Variants in CAMKMT observed in about 807,000 individuals in gnomAD.
CAMKMT encodes calmodulin-lysine N-methyltransferase.
A neutral mutation model predicts 48.0 loss-of-function variants in CAMKMT; 53 were observed. The ratio of observed to expected loss-of-function variants is 1.10; its 90% CI spans 0.89 to 1.39. The LOEUF is 1.39. Ranked by LOEUF, CAMKMT falls within the 40% of genes most tolerant of loss-of-function variation. CAMKMT has a pLI of 0.00. For synonymous variants in CAMKMT, 165 were observed against 152.3 expected, an observed-to-expected ratio of 1.08 and a Z score of -0.61; for missense variants, 428 against 402.7, an observed-to-expected ratio of 1.06 and a Z score of -0.54.
intron 7 of CAMKMT, among the ~76,000 whole-genome samples, chr2:44,717,455 T>C (rs996096413): frequency 6.6e-6 from 1 of 152,174 alleles, no homozygotes; most frequent in African/African-American, 2.4e-5. Context: ...TAATAATCAG[T>C]ATTCTCCCTC....
At chr2:44,484,570 A>C (rs1186873487) in intron 3 of CAMKMT, among the ~76,000 whole-genome samples, 2 of 152,048 alleles carry the variant, frequency 1.3e-5, no homozygotes, top group African/African-American at 4.8e-5. Context: ...ACAAATATCA[A>C]TTTCAGATTT....
intron 2 of CAMKMT, among the ~76,000 whole-genome samples, chr2:44,373,850 G>C (rs1572662345): frequency 6.6e-6 from 1 of 152,116 alleles, no homozygotes; most frequent in East Asian, 1.9e-4. Context: ...CCGGCTGGGC[G>C]CAGTGGCTCA....
At chr2:44,770,212 A>G (rs535657873) in intron 10 of CAMKMT, among the ~76,000 whole-genome samples, 44 of 152,346 alleles carry the variant, frequency 2.9e-4, no homozygotes, top group African/African-American at 9.1e-4. Context: ...TGTGTGTTCA[A>G]GTACCCTCAC....
chr2:44,606,384 C>G (rs1671283748), intron 3 of CAMKMT, among the ~76,000 whole-genome samples: 1 of 152,144 alleles, frequency 6.6e-6, no homozygotes, highest in Non-Finnish European at 1.5e-5. Context: ...GTCAATCTAA[C>G]ATTTAGAGAG....
At chr2:44,420,576 TA>T (rs1558598896) in intron 3 of CAMKMT, among the ~76,000 whole-genome samples, 3 of 151,532 alleles carry the variant, frequency 2.0e-5, no homozygotes, top group Non-Finnish European at 1.5e-5. Context: ...TATATATATA[TA>T]TATTTTTTTC....
At chr2:44,765,780 A>C (rs550382893) in intron 9 of CAMKMT, among the ~76,000 whole-genome samples, 1 of 152,220 alleles carries the variant, frequency 6.6e-6, no homozygotes, top group African/African-American at 2.4e-5. Flanking sequence ...AAAAGCAATC[A>C]TGTGAATACT....
At chr2:44,643,906 G>A (rs1673585077) in intron 3 of CAMKMT, among the ~76,000 whole-genome samples, 2 of 152,134 alleles carry the variant, frequency 1.3e-5, no homozygotes, top group African/African-American at 2.4e-5. Flanking sequence ...ACTAATTAGA[G>A]TTAGCGACAA....
chr2:44,591,655 C>T (rs1176750508), intron 3 of CAMKMT, among the ~76,000 whole-genome samples: 14 of 151,738 alleles, frequency 9.2e-5, no homozygotes, highest in Admixed American at 3.9e-4. Context: ...GTCAGTGTGG[C>T]GATTCCTCAG....
chr2:44,426,484 G>T (rs1684284273), intron 3 of CAMKMT, among the ~76,000 whole-genome samples: 1 of 152,174 alleles, frequency 6.6e-6, no homozygotes, highest in South Asian at 2.1e-4. Flanking sequence ...AATGACTTCA[G>T]TAAGGTCTCA....
chr2:44,741,782 T>A (rs1679689944), intron 7 of CAMKMT, among the ~76,000 whole-genome samples: 1 of 152,222 alleles, frequency 6.6e-6, no homozygotes, highest in Non-Finnish European at 1.5e-5. Flanking sequence ...CAGTCGCTGC[T>A]TAGACCCCTA....
intron 3 of CAMKMT, among the ~76,000 whole-genome samples, chr2:44,543,627 A>G (rs900397399): frequency 6.6e-6 from 1 of 151,862 alleles, no homozygotes; most frequent in Non-Finnish European, 1.5e-5. Context: ...ACCCAACCCT[A>G]TTTTTCTTAT....
At chr2:44,449,614 A>G (rs963323398) in intron 3 of CAMKMT, among the ~76,000 whole-genome samples, 12 of 152,040 alleles carry the variant, frequency 7.9e-5, no homozygotes, top group Admixed American at 7.2e-4. Context: ...TATTCTTTAG[A>G]CTTTACTCTG....
intron 3 of CAMKMT, among the ~76,000 whole-genome samples, chr2:44,649,199 T>G (rs1166834002): frequency 6.6e-6 from 1 of 152,096 alleles, no homozygotes; most frequent in African/African-American, 2.4e-5. Flanking sequence ...AGCACACTCT[T>G]GTTGCTCTTG....
chr2:44,536,342 T>TA (rs1666772040), intron 3 of CAMKMT, among the ~76,000 whole-genome samples: 1 of 151,642 alleles, frequency 6.6e-6, no homozygotes, highest in Admixed American at 6.6e-5. Flanking sequence ...TTTTTTTTTT[T>TA]AAGGTGGAGT....
Position 44,766,540 on chromosome 2 carries a change from CA to C in CAMKMT, c.874del (p.Ile292PhefsTer8), listed in dbSNP as rs963025028. ...AAAGACATGAAAATTATGATGAACA[CA>C]TTTCAAACTTCCACTCCAAGGTTAG... ...IQRHENYDEH[I>X]SNFHSKLKKE... On this transcript the variant is annotated frameshift_variant, in exon 10 of 11. Coordinates refer to ENST00000378494, the MANE Select transcript of CAMKMT (RefSeq NM_024766.5). LOFTEE classifies it high-confidence loss of function. 1 of 1,613,954 alleles carries C rather than the reference CA, an allele frequency of 6.2e-7. No individual in the cohort carries two copies. The highest frequency in any genetic ancestry group is 8.5e-7 in the Non-Finnish European group (1 of 1,180,006).
At chr2:44,738,493 A>G (rs961737670) in intron 7 of CAMKMT, among the ~76,000 whole-genome samples, 1 of 152,240 alleles carries the variant, frequency 6.6e-6, no homozygotes, top group South Asian at 2.1e-4. Context: ...CAATTTAACA[A>G]TAGAAACCTC....
intron 3 of CAMKMT, among the ~76,000 whole-genome samples, chr2:44,573,042 TTAGTAA>T (rs753013202): frequency 2.6e-5 from 4 of 152,160 alleles, no homozygotes; most frequent in African/African-American, 2.4e-5. Flanking sequence ...GCTATTACTG[TTAGTAA>T]TAGTAATCTT....
At position 44,685,252 on chromosome 2, in the gene CAMKMT, C is replaced by T. The variant is rs1676274005; in HGVS notation, c.377-19031C>T. On this transcript the variant is annotated intron_variant, in intron 3 of 10. Coordinates refer to ENST00000378494, the MANE Select transcript of CAMKMT (RefSeq NM_024766.5). ...TTTGCTCTTATGTTATGAATTCTCT[C>T]AAATAGAAAAAGTGGGCACTAAAAC... is the stretch of plus-strand genomic sequence containing the variant. 2.6e-5 allele frequency among the ~76,000 whole-genome samples: 4 copies of T among 151,858 alleles called. No homozygotes were observed. The South Asian group carries it at 8.3e-4, about 32-fold the overall frequency.
chr2:44,611,086 C>T (rs1383310946), intron 3 of CAMKMT, among the ~76,000 whole-genome samples: 1 of 152,068 alleles, frequency 6.6e-6, no homozygotes, highest in East Asian at 1.9e-4. Context: ...TTTCTTATTC[C>T]CAATATGTTC....
Sources: gnomAD v4.1 joint callset for allele counts (sites outside exome capture counted in the v4.1 genomes callset) on GRCh38, gnomAD v4.1.1 for gene constraint, MANE v1.5 for transcripts, NCBI Gene and HGNC (gene_info 2026-07-23, HGNC 2026-07-21) for gene names.